Variants in SDK2 observed in about 807,000 individuals in gnomAD.
The protein encoded by SDK2 is sidekick cell adhesion molecule 2.
In SDK2, 105 loss-of-function variants were observed where a neutral mutation model predicts 253.9. The ratio of observed to expected loss-of-function variants is 0.41; its 90% CI spans 0.35 to 0.49. The LOEUF (loss-of-function observed/expected upper bound fraction) is 0.49, where lower values mean the gene tolerates loss of function less well. SDK2 is among the 20% of genes least tolerant of loss of function. The pLI is 0.06. For missense variants in SDK2, 2,608 were observed against 3,003.0 expected (o/e 0.87, Z 3.07); for synonymous variants, 1,249 against 1,234.9 (o/e 1.01, Z -0.24).
At chr17:73,484,729 C>A (rs1054289025) in intron 2 of SDK2, among the ~76,000 whole-genome samples, 9 of 152,220 alleles carry the variant, frequency 5.9e-5, no homozygotes, top group African/African-American at 1.9e-4. Context: ...GCTCTGGGGG[C>A]CCCAGGTGTT....
At chr17:73,474,268 G>A (rs2063670965) in intron 2 of SDK2, among the ~76,000 whole-genome samples, 1 of 152,210 alleles carries the variant, frequency 6.6e-6, no homozygotes, top group African/African-American at 2.4e-5. Flanking sequence ...TTGAGAGCCT[G>A]TGACTTAATC....
chr17:73,437,862 C>A (rs774632563), intron 7 of SDK2, 40 bp from the exon 8 acceptor site: 3 of 1,609,872 alleles, frequency 1.9e-6, no homozygotes, highest in African/African-American at 2.7e-5. Flanking sequence ...CAGAGCCATG[C>A]TCGCTTTGAT....
intron 1 of SDK2, among the ~76,000 whole-genome samples, chr17:73,631,809 C>T (rs1165577605): frequency 3.9e-5 from 6 of 152,188 alleles, no homozygotes; most frequent in Non-Finnish European, 5.9e-5. Context: ...TGGAAGGTAC[C>T]CACACATCTA....
chr17:73,348,569 C>G, intron 44 of SDK2, 30 bp downstream of exon 44: 1 of 1,608,192 alleles, frequency 6.2e-7, no homozygotes, highest in Non-Finnish European at 8.5e-7. Flanking sequence ...TCCCTGCCCC[C>G]TGCAGGACAC....
intron 1 of SDK2, among the ~76,000 whole-genome samples, chr17:73,592,888 C>T (rs2045702922): frequency 6.6e-6 from 1 of 152,150 alleles, no homozygotes; most frequent in African/African-American, 2.4e-5. Flanking sequence ...GTCTCCCAAG[C>T]ATATTTCAGG....
At chr17:73,438,612 A>AG (rs2145626783) in intron 6 of SDK2, among the ~76,000 whole-genome samples, 1 of 150,756 alleles carries the variant, frequency 6.6e-6, no homozygotes, top group African/African-American at 2.5e-5. Context: ...GAGTTTGAAA[A>AG]GGGGAAATAA....
intron 3 of SDK2, among the ~76,000 whole-genome samples, chr17:73,463,174 T>C (rs2063575405): frequency 6.6e-6 from 1 of 152,188 alleles, no homozygotes; most frequent in Non-Finnish European, 1.5e-5. Flanking sequence ...CCGAGGTACC[T>C]GCTTGCTAAT....
At chr17:73,483,713 T>A (rs1230662676) in intron 2 of SDK2, among the ~76,000 whole-genome samples, 2 of 124,780 alleles carry the variant, frequency 1.6e-5, no homozygotes, top group South Asian at 2.6e-4. Flanking sequence ...ATATATTTTT[T>A]TTTTTTTTTA....
At chr17:73,630,969 G>T (rs2046261794) in intron 1 of SDK2, among the ~76,000 whole-genome samples, 1 of 152,062 alleles carries the variant, frequency 6.6e-6, no homozygotes, top group Non-Finnish European at 1.5e-5. Flanking sequence ...GGAGGAAGGG[G>T]TTAAATGCCA....
intron 20 of SDK2, 75 bp from the exon 21 acceptor site, chr17:73,401,286 C>G: frequency 3.0e-6 from 4 of 1,333,002 alleles, no homozygotes; most frequent in Non-Finnish European, 4.1e-6. Context: ...CCACTTCTCA[C>G]TTCTCCACTA....
intron 12 of SDK2, among the ~76,000 whole-genome samples, chr17:73,429,697 G>A (rs1456888979): frequency 6.6e-6 from 1 of 152,218 alleles, no homozygotes; most frequent in Admixed American, 6.5e-5. Flanking sequence ...GAAGCAACAC[G>A]CAGGGAATAT....
At chr17:73,539,436 G>A (rs1335522683) in intron 1 of SDK2, among the ~76,000 whole-genome samples, 5 of 151,604 alleles carry the variant, frequency 3.3e-5, no homozygotes, top group Non-Finnish European at 5.9e-5. Flanking sequence ...GCACAGCCAG[G>A]AGTGGGCAGA....
intron 3 of SDK2, among the ~76,000 whole-genome samples, chr17:73,468,573 A>G (rs906620732): frequency 1.3e-5 from 2 of 152,058 alleles, no homozygotes; most frequent in Admixed American, 6.5e-5. Flanking sequence ...GTGCAGTGGT[A>G]TGATCTCAGC....
chr17:73,461,072 T>C (rs1251451683), intron 3 of SDK2, among the ~76,000 whole-genome samples: 1 of 152,250 alleles, frequency 6.6e-6, no homozygotes, highest in Non-Finnish European at 1.5e-5. Context: ...CCCTGCCTCC[T>C]TCCTGAGTCG....
In SDK2 at chr17:73,384,063, C is replaced by G. The variant is rs570704464; in HGVS notation, c.4570-52G>C. On this transcript the variant is annotated intron_variant, in intron 32 of 44. Transcript: ENST00000392650. ...AGGGCACCTGGACCACCACCCACCC[C>G]TCCCCACGCTCTCTCATCATGCCTC... 1.6e-4 allele frequency: 256 copies of G among 1,578,306 alleles called. No homozygotes were observed. The African/African-American group carries it at 3.2e-3, about 20-fold the overall frequency.
chr17:73,470,017 C>CAT (rs2063636021), intron 3 of SDK2, among the ~76,000 whole-genome samples: 1 of 151,564 alleles, frequency 6.6e-6, no homozygotes, highest in Admixed American at 6.6e-5. Context: ...CACACACACA[C>CAT]ACACACACAC....
chr17:73,487,914 C>T (rs1300224754), intron 2 of SDK2, among the ~76,000 whole-genome samples: 4 of 152,236 alleles, frequency 2.6e-5, no homozygotes, highest in African/African-American at 9.6e-5. Flanking sequence ...ACCCTTTACT[C>T]TGGTCCCAGC....
rs750310836 is a variant in SDK2 at position 73,401,948 on chromosome 17, T to C, written c.2678A>G (p.Asp893Gly). The C allele has an allele frequency of 6.2e-7, 1 of 1,602,192 alleles. No individual in the cohort carries two copies. The highest frequency in any genetic ancestry group is 1.7e-5 in the Admixed American group (1 of 58,970). The change falls in exon 19 of 45, where the codon GAT becomes GGT. Residue 893 changes from aspartate to glycine, a missense_variant and splice_region_variant. Transcript: ENST00000392650. The part of the protein sequence containing the change: ...STPQLVRTHE[D>G]VPGPVGHLSF... ...GAGCAGGGCTGGGGGGTGCCTACCA[T>C]CCTCATGGGTGCGCACCAGCTGCGG...
intron 2 of SDK2, among the ~76,000 whole-genome samples, chr17:73,477,745 T>G (rs2063696217): frequency 6.6e-6 from 1 of 152,146 alleles, no homozygotes; most frequent in Non-Finnish European, 1.5e-5. Flanking sequence ...GTCCCCTGCC[T>G]GGCACATTCC....
Sources: gnomAD v4.1 joint callset for allele counts (sites outside exome capture counted in the v4.1 genomes callset) on GRCh38, gnomAD v4.1.1 for gene constraint, MANE v1.5 for transcripts, NCBI Gene and HGNC (gene_info 2026-07-23, HGNC 2026-07-21) for gene names.